ASB14: variants seen among roughly 807,000 people sequenced by gnomAD.
ASB14 encodes ankyrin repeat and SOCS box containing 14, also known as ankyrin repeat and SOCS box protein 14.
A neutral mutation model predicts 55.6 loss-of-function variants in ASB14; 63 were observed. The observed-to-expected ratio is 1.13, with a 90% CI of 0.92 to 1.40. ASB14 has a LOEUF of 1.40. ASB14 is among the 40% of genes most tolerant of loss of function. The pLI, the probability that ASB14 is intolerant of heterozygous loss-of-function variation, is 0.00. For missense variants in ASB14, 724 were observed against 710.4 expected (o/e 1.02, Z -0.22); for synonymous variants, 256 against 259.9 (o/e 0.98, Z 0.15).
rs1300962236 is a variant in ASB14 at position 57,278,574 on chromosome 3, C to A, written c.1234G>T (p.Val412Phe). The change falls in exon 8 of 11, where the codon GTC becomes TTC. Residue 412 changes from valine (V) to phenylalanine (F), a missense_variant. Coordinates refer to ENST00000487349, the MANE Select transcript of ASB14 (RefSeq NM_001142733.3). ...GGGTTAACTCTGCAGAAGTAATTGA[C>A]ATTGGCCCCATGCCTTAGCAGCAGA... is the stretch of plus-strand genomic sequence containing the variant. ...ISLLLRHGAN[V>F]NYFCRVNPLH... 1 of 1,614,224 alleles carries A rather than the reference C, an allele frequency of 6.2e-7. No individual in the cohort carries two copies. Among genetic ancestry groups the A allele is most frequent in the Non-Finnish European group, 8.5e-7 (1 of 1,180,034 alleles).
chr3:57,288,090 AAGATAT>A, intron 4 of ASB14, 31 bp from the exon 5 acceptor site: 2 of 1,535,228 alleles, frequency 1.3e-6, no homozygotes, highest in Non-Finnish European at 1.7e-6. Context: ...CACACAAATT[AAGATAT>A]AGAAATGAAT....
chr3:57,273,664 CTG>C, intron 10 of ASB14, among the ~76,000 whole-genome samples: 1 of 152,090 alleles, frequency 6.6e-6, no homozygotes, highest in Non-Finnish European at 1.5e-5. Context: ...TCACTGGTGA[CTG>C]TTTTTCTTTT....
At chr3:57,278,978 G>A in intron 7 of ASB14, 58 bp from the exon 8 acceptor site, 1 of 1,508,798 alleles carries the variant, frequency 6.6e-7, no homozygotes, top group East Asian at 2.3e-5. Flanking sequence ...GCACTAACTT[G>A]TTTATTATTG....
chr3:57,283,298 A>T lies in ASB14; in HGVS notation c.611T>A (p.Val204Asp). The T allele has an allele frequency of 6.4e-7, 1 of 1,551,818 alleles. No homozygotes were observed. The change falls in exon 6 of 11, where the codon GTT (valine) becomes GAT (aspartate). Residue 204 changes from valine to aspartate, a missense_variant. By Grantham distance (152) the Val-to-Asp change is radical. Transcript: ENST00000487349. ...GREDMVKLML[V>D]SGAHPDPQST... ...CTGTGGGTCAGGGTGTGCCCCAGAA[A>T]CCAGCATAAGCTTCACCATGTCCTC...
Position 57,276,580 on chromosome 3 carries a change from A to C in ASB14, c.1734T>G (p.Tyr578Ter). Residue 578 changes from tyrosine to a stop codon, truncating the protein, a stop_gained, in exon 10 of 11, where the codon TAT becomes TAG. Transcript: ENST00000487349. LOFTEE classifies it high-confidence loss of function. ...AYVLYKEYDL[Y>*]GQGIFTGTW Reference sequence around the variant, plus strand: ...AGGTTCCTGTAAAAATTCCTTGTCCATAAAGGTCGTATTCTTTGTAAAGGA... The same window carrying C: ...AGGTTCCTGTAAAAATTCCTTGTCCCTAAAGGTCGTATTCTTTGTAAAGGA... 6.2e-7 allele frequency: 1 copy of C among 1,612,196 alleles called. No homozygotes were observed. Among genetic ancestry groups the C allele is most frequent in the South Asian group, 1.1e-5 (1 of 90,310 alleles).
At chr3:57,269,774 A>C in intron 10 of ASB14, 156 bp from the exon 11 acceptor site, 14 of 1,422,748 alleles carry the variant, frequency 9.8e-6, no homozygotes, top group Non-Finnish European at 1.3e-5. Flanking sequence ...TTGAAATATC[A>C]AGGAGGAGAT....
intron 6 of ASB14, among the ~76,000 whole-genome samples, chr3:57,280,702 A>T (rs1382992801): frequency 6.6e-6 from 1 of 152,194 alleles, no homozygotes; most frequent in Non-Finnish European, 1.5e-5. Context: ...TTAGTTTTTG[A>T]AGTAATTTGA....
intron 6 of ASB14, among the ~76,000 whole-genome samples, chr3:57,281,529 A>T (rs1355797): frequency 4.6e-5 from 7 of 151,896 alleles, no homozygotes; most frequent in African/African-American, 1.7e-4. Flanking sequence ...CACAGACTCC[A>T]TAAGAGTCAT....
Position 57,280,335 on chromosome 3 carries a change from G to T in ASB14, c.854C>A (p.Pro285His). 6.4e-7 allele frequency: 1 copy of T among 1,550,532 alleles called. No individual in the cohort carries two copies. The highest frequency in any genetic ancestry group is 8.7e-7 in the Non-Finnish European group (1 of 1,146,238). The change falls in exon 7 of 11, where the codon CCC becomes CAC. Residue 285 changes from proline (P) to histidine (H), a missense_variant. Physicochemically the swap from Pro to His is moderately conservative, Grantham distance 77. Transcript: ENST00000487349. Reference protein sequence around the residue: ...ANIPKNSGHLPIHVAADRGHL... With the variant: ...ANIPKNSGHLHIHVAADRGHL... ...GCCCCTGTCAGCTGCCACATGGATG[G>T]GCAGGTGGCCTGAATTCTTAGGGAT...
intron 5 of ASB14, among the ~76,000 whole-genome samples, chr3:57,286,444 C>G (rs992142360): frequency 1.4e-5 from 2 of 140,990 alleles, no homozygotes; most frequent in Non-Finnish European, 3.3e-5. Context: ...ACAAAATTCT[C>G]TAATAATTGG....
At chr3:57,291,075 G>A (rs917933607) in intron 2 of ASB14, among the ~76,000 whole-genome samples, 1 of 152,128 alleles carries the variant, frequency 6.6e-6, no homozygotes, top group African/African-American at 2.4e-5. Context: ...GAGGTAATGA[G>A]AATTAGAATT....
Position 57,278,773 on chromosome 3 carries a change from A to G in ASB14, c.1035T>C (p.Asp345=), listed in dbSNP as rs758811448. The part of the protein sequence containing the change: ...QAGFDVNFML[D]QRINKHYDDH... ...CATCGTAGTGTTTGTTAATTCTCTG[A>G]TCCAGCATGAAGTTCACATCAAATC... Residue 345 remains aspartate, a synonymous_variant, in exon 8 of 11, where the codon GAT becomes GAC. Transcript: ENST00000487349. 3 of 1,613,480 alleles carry G rather than the reference A, an allele frequency of 1.9e-6. No homozygotes were observed. The highest frequency in any genetic ancestry group is 2.5e-6 in the Non-Finnish European group (3 of 1,179,734).
At chr3:57,271,189 C>T (rs950595248) in intron 10 of ASB14, 2 of 151,436 alleles carry the variant, frequency 1.3e-5, no homozygotes, top group African/African-American at 4.9e-5. Context: ...GAAATGGCAT[C>T]TGTTTTAGGT....
rs1170659192 is a variant in ASB14, at chr3:57,278,488, C to T, written c.1320G>A (p.Leu440=). The change falls in exon 8 of 11, where the codon CTG becomes CTA. Residue 440 remains leucine (L), a synonymous_variant. Coordinates refer to ENST00000487349, the MANE Select transcript of ASB14 (RefSeq NM_001142733.3). ...GCTCTGTGTCATACCCATAGTTCAG[C>T]AGCATCCTGAGCATGACTTCATCTT... ...TLKDEVMLRM[L]LNYGYDTERC... 1.2e-6 allele frequency: 2 copies of T among 1,614,188 alleles called. No homozygotes were observed.
intron 2 of ASB14, among the ~76,000 whole-genome samples, chr3:57,289,684 AT>A (rs1414516824): frequency 4.7e-5 from 5 of 106,160 alleles, no homozygotes; most frequent in African/African-American, 1.6e-4. Context: ...GTCACCTTCC[AT>A]TCTTTTTTTT....
Position 57,279,630 on chromosome 3 carries a change from G to A in ASB14, c.887+672C>T, listed in dbSNP as rs539922736. Among the ~76,000 whole-genome samples, 155 of 151,998 alleles carry A rather than the reference G, an allele frequency of 1.0e-3. 2 individuals are homozygous for A. Among genetic ancestry groups the A allele is most frequent in the Non-Finnish European group, 7.7e-4 (52 of 67,964 alleles). ...GGAGAATTGCTTGAACCCGGGAGGC[G>A]GAGGTTGCGGTCAGCCGAGATCATG... is the stretch of plus-strand genomic sequence containing the variant. On this transcript the variant is annotated intron_variant, in intron 7 of 10. Transcript: ENST00000487349.
chr3:57,271,153 A>G (rs570887317), intron 10 of ASB14: 1 of 152,262 alleles, frequency 6.6e-6, no homozygotes, highest in Non-Finnish European at 1.5e-5. Context: ...TTTGATATAC[A>G]GTTTTTTCTT....
At chr3:57,285,978 G>A (rs565737963) in intron 5 of ASB14, among the ~76,000 whole-genome samples, 1 of 152,178 alleles carries the variant, frequency 6.6e-6, no homozygotes, top group Non-Finnish European at 1.5e-5. Context: ...CCTAACAGTA[G>A]GGAACAAGAA....
chr3:57,276,057 G>A (rs1305844251), intron 10 of ASB14, among the ~76,000 whole-genome samples: 1 of 152,062 alleles, frequency 6.6e-6, no homozygotes, highest in East Asian at 1.9e-4. Context: ...GGAGACTACT[G>A]TATTATATAT....
Sources: gnomAD v4.1 joint callset for allele counts (sites outside exome capture counted in the v4.1 genomes callset) on GRCh38, gnomAD v4.1.1 for gene constraint, MANE v1.5 for transcripts, NCBI Gene and HGNC (gene_info 2026-07-23, HGNC 2026-07-21) for gene names.